Variants in PLSCR2 observed in about 807,000 individuals in gnomAD.
PLSCR2 encodes the protein PL scramblase 2.
PLSCR2 carries 18 observed loss-of-function variants against 25.3 expected under a neutral mutation model. That is an observed-to-expected ratio of 0.71 (90% CI 0.49 to 1.06). The LOEUF (loss-of-function observed/expected upper bound fraction) is 1.06. PLSCR2 is among the 50% of genes least tolerant of loss of function. The pLI is 0.00. For missense variants in PLSCR2, 243 were observed against 269.5 expected (o/e 0.90, Z 0.69); for synonymous variants, 88 against 87.3 (o/e 1.01, Z -0.04).
intron 6 of PLSCR2, among the ~76,000 whole-genome samples, chr3:146,448,643 G>A (rs562447283): frequency 6.6e-6 from 1 of 152,288 alleles, no homozygotes; most frequent in South Asian, 2.1e-4. Context: ...CTGACTCTGA[G>A]CTTCTTGTTT....
intron 1 of PLSCR2, among the ~76,000 whole-genome samples, chr3:146,485,848 C>T (rs569781564): frequency 5.9e-5 from 9 of 152,168 alleles, no homozygotes; most frequent in African/African-American, 1.9e-4. Flanking sequence ...AGGAGCAAGT[C>T]ACGTCTTACA....
chr3:146,394,611 AC>A (rs2038211660), intron 3 of PLSCR2, among the ~76,000 whole-genome samples: 1 of 152,216 alleles, frequency 6.6e-6, no homozygotes, highest in African/African-American at 2.4e-5. Flanking sequence ...CAGAAGGTTT[AC>A]AAATAATGTC....
At chr3:146,448,999 A>C (rs2040730167) in intron 6 of PLSCR2, among the ~76,000 whole-genome samples, 1 of 152,204 alleles carries the variant, frequency 6.6e-6, no homozygotes, top group Non-Finnish European at 1.5e-5. Context: ...GCCATTTGAA[A>C]GTGTGTAGAC....
chr3:146,429,023 A>G (rs2039453785), downstream of PLSCR2, among the ~76,000 whole-genome samples: 1 of 152,204 alleles, frequency 6.6e-6, no homozygotes, highest in Non-Finnish European at 1.5e-5. Context: ...AGATCACTAA[A>G]TCTTCACACT....
chr3:146,486,385 T>A (rs1355653653), intron 1 of PLSCR2, among the ~76,000 whole-genome samples: 1 of 151,014 alleles, frequency 6.6e-6, no homozygotes, highest in Non-Finnish European at 1.5e-5. Context: ...CCAGGAGCTT[T>A]TTTTTTTTGA....
At chr3:146,473,190 C>T (rs1317112636) in intron 1 of PLSCR2, among the ~76,000 whole-genome samples, 1 of 151,946 alleles carries the variant, frequency 6.6e-6, no homozygotes, top group Non-Finnish European at 1.5e-5. Flanking sequence ...AAATCTTATG[C>T]CCTGCTATAT....
intron 1 of PLSCR2, among the ~76,000 whole-genome samples, chr3:146,482,790 G>A (rs1207137203): frequency 1.3e-5 from 2 of 152,136 alleles, no homozygotes; most frequent in Non-Finnish European, 2.9e-5. Context: ...ATTTATTGCA[G>A]CACTATTCAC....
At chr3:146,495,434 T>C (rs904875292) in intron 1 of PLSCR2, among the ~76,000 whole-genome samples, 1 of 152,182 alleles carries the variant, frequency 6.6e-6, no homozygotes. Flanking sequence ...TGAATATATC[T>C]TTCTGAAATT....
intron 2 of PLSCR2, among the ~76,000 whole-genome samples, chr3:146,458,879 A>T (rs1314266312): frequency 2.0e-5 from 3 of 152,048 alleles, no homozygotes; most frequent in Non-Finnish European, 4.4e-5. Flanking sequence ...GAGACTGATT[A>T]AAAAAACTGT....
At chr3:146,458,480 T>G in intron 2 of PLSCR2, 27 bp from the exon 3 acceptor site, 1 of 1,370,278 alleles carries the variant, frequency 7.3e-7, no homozygotes, top group Non-Finnish European at 9.8e-7. Context: ...AAAATGAAGT[T>G]GTATGTCAAA....
chr3:146,421,435 T>C (rs910871232), intron 2 of PLSCR2, among the ~76,000 whole-genome samples: 1 of 152,062 alleles, frequency 6.6e-6, no homozygotes, highest in Non-Finnish European at 1.5e-5. Flanking sequence ...GTGAGATATA[T>C]AAAATCTCAA....
chr3:146,485,755 C>T (rs2043317287), intron 1 of PLSCR2, among the ~76,000 whole-genome samples: 1 of 152,014 alleles, frequency 6.6e-6, no homozygotes, highest in South Asian at 2.1e-4. Context: ...ATACCCGATA[C>T]TGGGCAATTT....
chr3:146,449,072 C>A (rs528632943), intron 6 of PLSCR2, 134 bp downstream of exon 6: 7 of 670,098 alleles, frequency 1.0e-5, no homozygotes, highest in Non-Finnish European at 1.7e-5. Context: ...AATTTCAGTG[C>A]GGGGATTAAA....
intron 1 of PLSCR2, among the ~76,000 whole-genome samples, chr3:146,488,169 A>G (rs1035669285): frequency 6.6e-6 from 1 of 152,180 alleles, no homozygotes; most frequent in Non-Finnish European, 1.5e-5. Context: ...TATTTTACAC[A>G]AAAATTAACT....
chr3:146,423,797 G>A (rs1298802597), intron 2 of PLSCR2, among the ~76,000 whole-genome samples: 1 of 152,002 alleles, frequency 6.6e-6, no homozygotes, highest in Non-Finnish European at 1.5e-5. Flanking sequence ...AAGATGGAAG[G>A]AGGCCACAAG....
chr3:146,471,560 A>G (rs748433273), intron 1 of PLSCR2, among the ~76,000 whole-genome samples: 9 of 150,014 alleles, frequency 6.0e-5, no homozygotes, highest in Non-Finnish European at 1.0e-4. Flanking sequence ...TAAATAAGAT[A>G]CAATTCTTTT....
At chr3:146,393,951 T>C (rs1051021927) in intron 3 of PLSCR2, among the ~76,000 whole-genome samples, 5 of 152,138 alleles carry the variant, frequency 3.3e-5, no homozygotes, top group Non-Finnish European at 7.3e-5. Context: ...ATTTTGATGA[T>C]GGGTTTGTCA....
At chr3:146,449,589 C>T (rs530001477) in intron 5 of PLSCR2, among the ~76,000 whole-genome samples, 25 of 151,840 alleles carry the variant, frequency 1.6e-4, no homozygotes, top group African/African-American at 2.7e-4. Flanking sequence ...AGTAGTTTTA[C>T]GAAATTTTTA....
intron 3 of PLSCR2, among the ~76,000 whole-genome samples, chr3:146,395,451 A>C (rs902432592): frequency 2.0e-5 from 3 of 152,204 alleles, no homozygotes; most frequent in African/African-American, 4.8e-5. Flanking sequence ...TGTATTAATA[A>C]ATTTTACATT....
Sources: allele counts gnomAD v4.1 joint callset (sites outside exome capture counted in the v4.1 genomes callset), GRCh38; gene constraint gnomAD v4.1.1; transcripts MANE v1.5; gene names NCBI Gene and HGNC (gene_info 2026-07-23, HGNC 2026-07-21).